The following CCDC33 variants were observed in gnomAD, a reference collection of about 807,000 sequenced individuals.
CCDC33 encodes the protein coiled-coil domain-containing protein 33.
CCDC33 carries 94 observed loss-of-function variants against 91.9 expected under a neutral mutation model. The observed-to-expected ratio is 1.02, with a 90% CI of 0.87 to 1.21. The LOEUF is 1.21. Ranked by LOEUF, CCDC33 falls within the 50% of genes most tolerant of loss-of-function variation. The probability of loss-of-function intolerance (pLI) is 0.00; values close to 1 mark genes in which losing one functional copy is unlikely to be tolerated. For synonymous variants in CCDC33, 396 were observed against 374.5 expected (o/e 1.06, Z -0.66); for missense variants, 940 against 935.5 (o/e 1.00, Z -0.06).
chr15:74,206,020 G>A (rs2074253980), intron 1 of CCDC33, among the ~76,000 whole-genome samples: 1 of 152,236 alleles, frequency 6.6e-6, no homozygotes, highest in Non-Finnish European at 1.5e-5. Flanking sequence ...CCCTGGGACT[G>A]GCTATGTGGC....
At chr15:74,217,356 G>C (rs1335948446) in exon 1 of CCDC33, 1 of 1,290,168 alleles carries the variant, frequency 7.8e-7, no homozygotes, top group African/African-American at 1.5e-5. Context: ...GCTGGATCTG[G>C]AGTTCGAAGT....
At chr15:74,203,359 A>G (rs2074170391) in intron 1 of CCDC33, 1 of 280,156 alleles carries the variant, frequency 3.6e-6, no homozygotes, top group South Asian at 1.4e-4. Context: ...AGGGTGAGCA[A>G]GGGAAGGTCT....
intron 7 of CCDC33, among the ~76,000 whole-genome samples, chr15:74,279,414 T>G (rs2142485258): frequency 6.6e-6 from 1 of 152,344 alleles, no homozygotes; most frequent in South Asian, 2.1e-4. Context: ...GAAGCACAGT[T>G]TTATGAATTA....
chr15:74,206,376 G>A (rs2074262445), intron 1 of CCDC33, among the ~76,000 whole-genome samples: 1 of 152,202 alleles, frequency 6.6e-6, no homozygotes, highest in East Asian at 1.9e-4. Flanking sequence ...ATCGCTTGGA[G>A]CTCCCATCTG....
intron 2 of CCDC33, among the ~76,000 whole-genome samples, chr15:74,222,273 T>C (rs2074620162): frequency 6.6e-6 from 1 of 152,100 alleles, no homozygotes; most frequent in South Asian, 2.1e-4. Context: ...TTCCCAGAGA[T>C]ATAATTTCTG....
At chr15:74,292,622 C>G (rs533237055) in intron 10 of CCDC33, among the ~76,000 whole-genome samples, 3 of 152,138 alleles carry the variant, frequency 2.0e-5, no homozygotes, top group Admixed American at 6.5e-5. Context: ...AAATCCCAGG[C>G]CAGGATGGAT....
At chr15:74,330,449 T>G in intron 12 of CCDC33, 95 bp downstream of exon 12, 1 of 1,362,810 alleles carries the variant, frequency 7.3e-7, no homozygotes, top group African/African-American at 1.5e-5. Flanking sequence ...CTCCCAGATG[T>G]GCATGCTGCT....
At chr15:74,229,945 G>A (rs1392334675) in intron 2 of CCDC33, among the ~76,000 whole-genome samples, 4 of 152,224 alleles carry the variant, frequency 2.6e-5, no homozygotes, top group Admixed American at 6.5e-5. Context: ...CCCTGAGGTC[G>A]GGTGGGGGAA....
chr15:74,248,608 C>G (rs958586412), intron 2 of CCDC33, among the ~76,000 whole-genome samples: 1 of 152,162 alleles, frequency 6.6e-6, no homozygotes, highest in Non-Finnish European at 1.5e-5. Context: ...CAGAACTGTT[C>G]GTTCATTCAT....
chr15:74,223,896 A>G (rs1194594861), intron 2 of CCDC33, among the ~76,000 whole-genome samples: 1 of 151,594 alleles, frequency 6.6e-6, no homozygotes, highest in Non-Finnish European at 1.5e-5. Context: ...AAACACGATC[A>G]TGGGGGCTCC....
In CCDC33 at chr15:74,262,450, T is replaced by A; in HGVS notation, c.196T>A (p.Ser66Thr). 6.2e-7 allele frequency: 1 copy of A among 1,613,930 alleles called. No individual in the cohort carries two copies. Among genetic ancestry groups the A allele is most frequent in the Non-Finnish European group, 8.5e-7 (1 of 1,179,942 alleles). ...PWPYVVVKSTSEEKNNQSSKA... is the reference protein window; with the variant it reads ...PWPYVVVKSTTEEKNNQSSKA... ...CCCTGCTCTCCCCAGGAAAAGCACA[T>A]CTGAGGAAAAGAACAATCAGAGCTC... The change falls in exon 3 of 19, where the codon TCT becomes ACT. Residue 66 changes from serine (S) to threonine (T), a missense_variant. Ser to Thr is a moderately conservative substitution (Grantham distance 58). Transcript: ENST00000398814.
chr15:74,242,196 C>T (rs182897093), intron 1 of CCDC33, among the ~76,000 whole-genome samples: 4 of 152,366 alleles, frequency 2.6e-5, no homozygotes, highest in African/African-American at 9.6e-5. Flanking sequence ...ATAGGTCGGT[C>T]CAAGTCCTCA....
At chr15:74,224,782 T>G (rs920547013) in intron 2 of CCDC33, among the ~76,000 whole-genome samples, 1 of 152,224 alleles carries the variant, frequency 6.6e-6, no homozygotes, top group African/African-American at 2.4e-5. Flanking sequence ...GGTTAATAAA[T>G]TCCTGCTGTT....
At position 74,335,019 on chromosome 15, in the gene CCDC33, G is replaced by C. The variant is rs529518981; in HGVS notation, c.2070G>C (p.Leu690=). 2 of 1,614,112 alleles carry C rather than the reference G, an allele frequency of 1.2e-6. No homozygotes were observed. Among genetic ancestry groups the C allele is most frequent in the African/African-American group, 1.3e-5 (1 of 74,998 alleles). The change falls in exon 18 of 19, where the codon CTG becomes CTC. Residue 690 remains leucine (L), a synonymous_variant. Coordinates refer to ENST00000398814, the MANE Select transcript of CCDC33 (RefSeq NM_025055.5). ...GCTGGGGACGAGAGAAGCAGGATCT[G>C]GCCACACGGCTGCAGGAGCAAGAAA... is the stretch of plus-strand genomic sequence containing the variant. ...ARRWGREKQD[L]ATRLQEQEKG...
intron 11 of CCDC33, among the ~76,000 whole-genome samples, chr15:74,314,404 AC>A (rs1486690577): frequency 6.6e-6 from 1 of 151,560 alleles, no homozygotes; most frequent in Non-Finnish European, 1.5e-5. Context: ...GGCAGTGCTC[AC>A]CCCTCCCCTA....
intron 1 of CCDC33, among the ~76,000 whole-genome samples, chr15:74,204,716 T>C (rs2074219035): frequency 6.6e-6 from 1 of 152,168 alleles, no homozygotes; most frequent in Non-Finnish European, 1.5e-5. Context: ...GTGGATCACC[T>C]GAGGTCAGGA....
chr15:74,241,708 C>T (rs952250205), intron 1 of CCDC33, among the ~76,000 whole-genome samples: 25 of 152,160 alleles, frequency 1.6e-4, no homozygotes, highest in African/African-American at 4.3e-4. Flanking sequence ...CCATCAGAGG[C>T]GAGTCGGGAC....
intron 1 of CCDC33, among the ~76,000 whole-genome samples, chr15:74,238,760 G>A (rs539614426): frequency 6.6e-6 from 1 of 152,170 alleles, no homozygotes; most frequent in Non-Finnish European, 1.5e-5. Context: ...TGGATACTCA[G>A]ATTATGAGTT....
At chr15:74,268,889 C>T (rs990532193) in intron 5 of CCDC33, among the ~76,000 whole-genome samples, 1 of 152,234 alleles carries the variant, frequency 6.6e-6, no homozygotes, top group East Asian at 1.9e-4. Flanking sequence ...GCCTTGGCCC[C>T]CAAGCAAAAG....
Sources: gnomAD v4.1 joint callset for allele counts (sites outside exome capture counted in the v4.1 genomes callset) on GRCh38, gnomAD v4.1.1 for gene constraint, MANE v1.5 for transcripts, NCBI Gene and HGNC (gene_info 2026-07-23, HGNC 2026-07-21) for gene names.